Variants in RBM10 observed in about 807,000 individuals in gnomAD.
RBM10 encodes RNA binding motif protein 10.
Under a neutral mutation model 84.9 loss-of-function variants are expected in RBM10, and 1 was observed. The ratio of observed to expected loss-of-function variants is 0.01; its 90% CI spans 0.00 to 0.06. The LOEUF (loss-of-function observed/expected upper bound fraction) is 0.06. Among genes scored for constraint, RBM10 ranks in the 10% least tolerant of loss-of-function variants. The pLI, the probability that RBM10 is intolerant of heterozygous loss-of-function variation, is 1.00. For missense variants in RBM10, 438 were observed against 839.0 expected (o/e 0.52, Z 5.90); for synonymous variants, 326 against 344.5 (o/e 0.95, Z 0.60).
chrX:47,175,934 G>A (rs896493305), intron 6 of RBM10, among the ~76,000 whole-genome samples: 3 of 112,416 alleles, frequency 2.7e-5, no homozygotes, highest in Non-Finnish European at 3.8e-5. Flanking sequence ...GGGGGATCCC[G>A]GCAGAGGCAG....
intron 12 of RBM10, 53 bp from the exon 13 acceptor site, chrX:47,181,162 C>T (rs2147183036): frequency 9.4e-6 from 1 of 106,699 alleles, no homozygotes. Flanking sequence ...GGTTCCCCAC[C>T]CCCCACCCCC....
rs1253356943 is a variant in RBM10, at chrX:47,168,174, G to A, written c.18-1141G>A. ...AAAATAATTGTTGAGCGCCTACTGA[G>A]TGCTAGGGAATATGGCAGTGAGCTA... On this transcript the variant is annotated intron_variant, in intron 2 of 23. Transcript: ENST00000377604. 4.5e-5 allele frequency among the ~76,000 whole-genome samples: 5 copies of A among 111,757 alleles called. No individual in the cohort carries two copies. In the Admixed American group the frequency reaches 4.8e-4, roughly 11 times the overall value.
chrX:47,159,489 C>A (rs1417610262), intron 2 of RBM10, among the ~76,000 whole-genome samples: 1 of 110,573 alleles, frequency 9.0e-6, no homozygotes, highest in East Asian at 2.8e-4. Flanking sequence ...GGTATATACC[C>A]GGTAGCAGGA....
rs1556778968 is a variant in RBM10, at chrX:47,181,196, C to T, written c.1249-19C>T. On this transcript the variant is annotated intron_variant, in intron 12 of 23. Coordinates refer to ENST00000377604, the MANE Select transcript of RBM10 (RefSeq NM_005676.5). The stretch of plus-strand genomic sequence containing the variant: ...CCACACCTTCCTGTTCTAATGAACC[C>T]CTCCCACCTGCCCTTCAGGCCTCCC... 2 of 914,263 alleles carry T rather than the reference C, an allele frequency of 2.2e-6. No individual in the cohort carries two copies. The highest frequency in any genetic ancestry group is 6.8e-5 in the Admixed American group (2 of 29,592). 75.3% of individuals were successfully genotyped at this position (914,263 alleles called of 1,213,427 possible).
chrX:47,186,571 T>C lies in RBM10; in HGVS notation c.2765T>C (p.Met922Thr), dbSNP rs1085307521. ...TACAAGGAGACACTGCACAAGACAATGGTGACCCGCTTCAACGAGGCCCAG... is the reference window on the plus strand; with the variant it reads ...TACAAGGAGACACTGCACAAGACAACGGTGACCCGCTTCAACGAGGCCCAG... ...ESYKETLHKTMVTRFNEAQ is the reference protein window; with the variant it reads ...ESYKETLHKTTVTRFNEAQ The change falls in exon 24 of 24, where the codon ATG becomes ACG. Residue 922 changes from methionine to threonine, a missense_variant. Transcript: ENST00000377604. 2.5e-6 allele frequency: 3 copies of C among 1,211,657 alleles called. No individual in the cohort carries two copies. The highest frequency in any genetic ancestry group is 3.4e-6 in the Non-Finnish European group (3 of 895,473).
At chrX:47,157,729 C>T (rs1933279055) in intron 2 of RBM10, 4 of 504,539 alleles carry the variant, frequency 7.9e-6, no homozygotes, top group Admixed American at 5.3e-5. Flanking sequence ...TGAATGATGA[C>T]GTCCAGGGGT....
At chrX:47,161,611 T>G (rs1157149496) in intron 2 of RBM10, among the ~76,000 whole-genome samples, 1 of 99,786 alleles carries the variant, frequency 1.0e-5, no homozygotes, top group Non-Finnish European at 2.0e-5. Context: ...GCTCACTGCA[T>G]CCTTGACCTC....
intron 2 of RBM10, among the ~76,000 whole-genome samples, chrX:47,152,621 A>G (rs1556763977): frequency 9.6e-6 from 1 of 104,582 alleles, no homozygotes. Flanking sequence ...TAATTTTTGT[A>G]TTTTTATTAG....
intron 2 of RBM10, chrX:47,157,634 A>G: frequency 2.0e-6 from 1 of 505,440 alleles, no homozygotes; most frequent in Non-Finnish European, 3.6e-6. Flanking sequence ...CAGGGTGGGC[A>G]TCGATGTAGT....
chrX:47,165,667 A>C (rs1221764379), intron 2 of RBM10, among the ~76,000 whole-genome samples: 1 of 110,240 alleles, frequency 9.1e-6, no homozygotes, highest in Non-Finnish European at 1.9e-5. Flanking sequence ...AAAAATACAA[A>C]AATTAGCCAG....
At chrX:47,170,992 C>T (rs2147134174) in intron 3 of RBM10, 36 bp from the exon 4 acceptor site, 1 of 1,184,174 alleles carries the variant, frequency 8.4e-7, no homozygotes, top group Non-Finnish European at 1.1e-6. Context: ...AGACTGACTG[C>T]CCGTCTGGTG....
Position 47,179,301 on chromosome X carries a change from TC to T in RBM10, c.725-15del. The stretch of plus-strand genomic sequence containing the variant: ...GCCTTCCCCTTATCACCAGCCTGTC[TC>T]CCACTGCCCCTGACAGAGGCAGAGC... On this transcript the variant is annotated splice_polypyrimidine_tract_variant and intron_variant, in intron 8 of 23. Coordinates refer to ENST00000377604, the MANE Select transcript of RBM10 (RefSeq NM_005676.5). 2 of 1,193,972 alleles carry T rather than the reference TC, an allele frequency of 1.7e-6. No homozygotes were observed. The highest frequency in any genetic ancestry group is 2.3e-6 in the Non-Finnish European group (2 of 887,333).
At chrX:47,160,777 C>T (rs1441976030) in intron 2 of RBM10, among the ~76,000 whole-genome samples, 4 of 111,117 alleles carry the variant, frequency 3.6e-5, no homozygotes, top group Non-Finnish European at 5.7e-5. Flanking sequence ...ATTTATTTGG[C>T]GTAAGAAGTG....
At position 47,181,578 on chromosome X, in the gene RBM10, G is replaced by A. The variant is rs782445201; in HGVS notation, c.1507G>A (p.Ala503Thr). 4.0e-5 allele frequency: 48 copies of A among 1,207,953 alleles called. No homozygotes were observed. Among genetic ancestry groups the A allele is most frequent in the Non-Finnish European group, 5.0e-5 (45 of 894,312 alleles). The change falls in exon 14 of 24, where the codon GCT becomes ACT. Residue 503 changes from alanine (A) to threonine (T), a missense_variant. By Grantham distance (58) the Ala-to-Thr change is moderately conservative (BLOSUM62 0). Transcript: ENST00000377604. ...GGCTTTCTCTCGCGCCCAGCCTGGT[G>A]CTGCTCCTGGCATCTACCAACAATC... is the stretch of plus-strand genomic sequence containing the variant. Reference protein sequence around the residue: ...MQAFSRAQPGAAPGIYQQSAE... With the variant: ...MQAFSRAQPGTAPGIYQQSAE...
chrX:47,174,953 C>T, intron 5 of RBM10, 66 bp from the exon 6 acceptor site: 5 of 1,003,179 alleles, frequency 5.0e-6, no homozygotes, highest in Non-Finnish European at 7.1e-6. Context: ...GTCCCGCCCC[C>T]GGGAACGCCG....
chrX:47,172,236 G>A (rs1347156316), intron 4 of RBM10, among the ~76,000 whole-genome samples: 1 of 112,318 alleles, frequency 8.9e-6, no homozygotes, highest in Non-Finnish European at 1.9e-5. Flanking sequence ...GTCTGAACCC[G>A]GGCAGCTGGA....
chrX:47,160,148 A>G (rs1180054061), intron 2 of RBM10, among the ~76,000 whole-genome samples: 1 of 111,886 alleles, frequency 8.9e-6, no homozygotes, highest in Non-Finnish European at 1.9e-5. Flanking sequence ...AAAAAAAAAG[A>G]AAAAAAATCC....
At chrX:47,147,561 A>G in intron 2 of RBM10, 63 bp downstream of exon 2, 1 of 1,172,016 alleles carries the variant, frequency 8.5e-7, no homozygotes, top group Admixed American at 2.2e-5. Context: ...GAATTGATCC[A>G]AGAAGGTGCT....
chrX:47,150,368 C>T (rs1932729848), intron 2 of RBM10, among the ~76,000 whole-genome samples: 1 of 110,828 alleles, frequency 9.0e-6, no homozygotes, highest in Non-Finnish European at 1.9e-5. Flanking sequence ...TGGGGTTTCA[C>T]TGTGTTAGCC....
Sources: gnomAD v4.1 joint callset for allele counts (sites outside exome capture counted in the v4.1 genomes callset) on GRCh38, gnomAD v4.1.1 for gene constraint, MANE v1.5 for transcripts, NCBI Gene and HGNC (gene_info 2026-07-23, HGNC 2026-07-21) for gene names.